Variants in KCNMB2 observed in about 807,000 individuals in gnomAD.
The protein encoded by KCNMB2 is calcium-activated potassium channel subunit beta-2.
A neutral mutation model predicts 24.5 loss-of-function variants in KCNMB2; 9 were observed. The observed-to-expected ratio is 0.37, with a 90% CI of 0.22 to 0.64. The LOEUF (loss-of-function observed/expected upper bound fraction) is 0.64, where lower values mean the gene tolerates loss of function less well. KCNMB2 is among the 30% of genes least tolerant of loss of function. The pLI is 0.63. For synonymous variants in KCNMB2, 109 were observed against 104.4 expected (o/e 1.04, Z -0.27); for missense variants, 226 against 284.3 (o/e 0.79, Z 1.47).
chr3:178,606,339 C>T (rs557555749), intron 1 of KCNMB2, among the ~76,000 whole-genome samples: 2 of 152,244 alleles, frequency 1.3e-5, no homozygotes, highest in South Asian at 4.2e-4. Flanking sequence ...TAGAGAGGTA[C>T]CTCCCCAACT....
chr3:178,541,460 T>G (rs1715616012), intron 1 of KCNMB2, among the ~76,000 whole-genome samples: 1 of 152,180 alleles, frequency 6.6e-6, no homozygotes, highest in African/African-American at 2.4e-5. Flanking sequence ...TAGTAATCAG[T>G]TAATACAATC....
intron 1 of KCNMB2, among the ~76,000 whole-genome samples, chr3:178,790,483 T>C (rs954713942): frequency 6.6e-6 from 1 of 152,150 alleles, no homozygotes; most frequent in African/African-American, 2.4e-5. Context: ...TTCCATATCT[T>C]GGTTCCTGAA....
chr3:178,593,377 A>C (rs1717749502), intron 1 of KCNMB2, among the ~76,000 whole-genome samples: 1 of 152,118 alleles, frequency 6.6e-6, no homozygotes, highest in Non-Finnish European at 1.5e-5. Flanking sequence ...AATCAAATGA[A>C]ATGCATCTTG....
chr3:178,688,964 T>G (rs542107340), intron 1 of KCNMB2, among the ~76,000 whole-genome samples: 78 of 152,278 alleles, frequency 5.1e-4, no homozygotes, highest in South Asian at 1.9e-3. Flanking sequence ...AAATACTCTT[T>G]GGGAATTAAA....
At chr3:178,650,798 A>G (rs1007376678) in intron 1 of KCNMB2, among the ~76,000 whole-genome samples, 2 of 152,206 alleles carry the variant, frequency 1.3e-5, no homozygotes, top group African/African-American at 4.8e-5. Context: ...AACAGAACCA[A>G]TGGCAAAAAC....
At chr3:178,659,355 AT>A (rs1181829018) in intron 1 of KCNMB2, among the ~76,000 whole-genome samples, 2 of 152,228 alleles carry the variant, frequency 1.3e-5, no homozygotes, top group Non-Finnish European at 2.9e-5. Flanking sequence ...AAACTTTTGT[AT>A]TAATATTGTG....
In KCNMB2 at chr3:178,844,335, T is replaced by C. The variant is rs1367435376; in HGVS notation, c.*1398T>C. Reference sequence around the variant, plus strand: ...TGAAATGGAAAATTATTCTGCAATATTGTAATTCATAGTTTGACTTTTCAT... The same window carrying C: ...TGAAATGGAAAATTATTCTGCAATACTGTAATTCATAGTTTGACTTTTCAT... On this transcript the variant is annotated 3_prime_UTR_variant, in exon 5 of 5. Transcript: ENST00000452583. The C allele has an allele frequency of 6.6e-6, 1 of 152,500 alleles. No individual in the cohort carries two copies. Among genetic ancestry groups the C allele is most frequent in the Non-Finnish European group, 1.5e-5 (1 of 67,950 alleles). 9.4% of individuals were successfully genotyped at this position (152,500 alleles called of 1,614,324 possible).
At chr3:178,611,968 T>C (rs531802379) in intron 1 of KCNMB2, among the ~76,000 whole-genome samples, 1 of 152,250 alleles carries the variant, frequency 6.6e-6, no homozygotes, top group East Asian at 1.9e-4. Flanking sequence ...ATTATTTGTT[T>C]AAGAAATTTT....
intron 1 of KCNMB2, among the ~76,000 whole-genome samples, chr3:178,562,745 G>A (rs556804573): frequency 3.9e-5 from 6 of 152,156 alleles, no homozygotes; most frequent in Non-Finnish European, 5.9e-5. Flanking sequence ...GGCCCTCCTC[G>A]ATCAGAATGT....
chr3:178,840,487 G>A (rs1715389809), intron 4 of KCNMB2, among the ~76,000 whole-genome samples: 2 of 152,220 alleles, frequency 1.3e-5, no homozygotes, highest in Admixed American at 1.3e-4. Context: ...CTTCTGCATT[G>A]CCCTAGCAGA....
rs748328554 is a variant in KCNMB2, at chr3:178,844,144, TA to T, written c.*1213del. ...GAAAATACGAGGGATTGATTTTAAA[TA>T]AAAAACATTCCATCTTTCATTTAAT... On this transcript the variant is annotated 3_prime_UTR_variant, in exon 5 of 5. Transcript: ENST00000452583. 1 of 152,526 alleles carries T rather than the reference TA, an allele frequency of 6.6e-6. No individual in the cohort carries two copies. Among genetic ancestry groups the T allele is most frequent in the Non-Finnish European group, 1.5e-5 (1 of 67,948 alleles). 9.4% of individuals were successfully genotyped at this position (152,526 alleles called of 1,614,324 possible).
At chr3:178,620,689 T>G (rs1718879034) in intron 1 of KCNMB2, among the ~76,000 whole-genome samples, 1 of 152,194 alleles carries the variant, frequency 6.6e-6, no homozygotes, top group African/African-American at 2.4e-5. Flanking sequence ...CAACATAATG[T>G]ATTTTGGGGA....
At chr3:178,842,541 A>T in intron 4 of KCNMB2, 112 bp from the exon 5 acceptor site, 1 of 707,040 alleles carries the variant, frequency 1.4e-6, no homozygotes, top group South Asian at 2.0e-5. Flanking sequence ...TGAAAAGAAT[A>T]ACCACCATGG....
intron 1 of KCNMB2, among the ~76,000 whole-genome samples, chr3:178,670,601 C>T (rs565604724): frequency 1.1e-4 from 17 of 152,096 alleles, no homozygotes; most frequent in Non-Finnish European, 2.2e-4. Flanking sequence ...GGCCTCAATC[C>T]TTACAAACTA....
At chr3:178,828,476 C>T (rs1330385651) in intron 4 of KCNMB2, 103 bp downstream of exon 4, 12 of 790,072 alleles carry the variant, frequency 1.5e-5, no homozygotes, top group Non-Finnish European at 2.0e-5. Flanking sequence ...GAAAATACTT[C>T]CAGGAAGCAG....
chr3:178,659,409 A>G (rs1720449793), intron 1 of KCNMB2, among the ~76,000 whole-genome samples: 1 of 152,212 alleles, frequency 6.6e-6, no homozygotes, highest in Admixed American at 6.6e-5. Flanking sequence ...TTAAAACCAT[A>G]ATTTTAAAAG....
chr3:178,777,424 A>G (rs1017489692), intron 1 of KCNMB2, among the ~76,000 whole-genome samples: 1 of 152,076 alleles, frequency 6.6e-6, no homozygotes, highest in African/African-American at 2.4e-5. Flanking sequence ...ACAGTGCAAG[A>G]CTCCGTCTCA....
At chr3:178,776,614 G>A (rs933305768) in intron 1 of KCNMB2, among the ~76,000 whole-genome samples, 4 of 152,104 alleles carry the variant, frequency 2.6e-5, no homozygotes, top group African/African-American at 9.7e-5. Context: ...CTTCTGCATG[G>A]TCTTCACAAG....
chr3:178,590,216 T>C (rs1047383710), intron 1 of KCNMB2, among the ~76,000 whole-genome samples: 6 of 152,168 alleles, frequency 3.9e-5, no homozygotes, highest in African/African-American at 1.4e-4. Flanking sequence ...AAGGTCATAG[T>C]GACAAATATT....
Sources: allele counts gnomAD v4.1 joint callset (sites outside exome capture counted in the v4.1 genomes callset), GRCh38; gene constraint gnomAD v4.1.1; transcripts MANE v1.5; gene names NCBI Gene and HGNC (gene_info 2026-07-23, HGNC 2026-07-21).